The following OLFM3 variants were observed in gnomAD, a reference collection of about 807,000 sequenced individuals.
The protein encoded by OLFM3 is noelin-3.
OLFM3 carries 20 observed loss-of-function variants against 48.6 expected under a neutral mutation model. That is an observed-to-expected ratio of 0.41 (90% CI 0.29 to 0.60). The LOEUF is 0.60. Among genes scored for constraint, OLFM3 ranks in the 20% least tolerant of loss-of-function variants. The pLI is 0.28. For synonymous variants in OLFM3, 222 were observed against 198.1 expected, an observed-to-expected ratio of 1.12 and a Z score of -1.01; for missense variants, 437 against 544.3, an observed-to-expected ratio of 0.80 and a Z score of 1.96.
chr1:101,967,972 A>T (rs1660665782), intron 1 of OLFM3, among the ~76,000 whole-genome samples: 1 of 152,140 alleles, frequency 6.6e-6, no homozygotes, highest in African/African-American at 2.4e-5. Context: ...CAAACATACG[A>T]AGAAAACCCT....
intron 1 of OLFM3, among the ~76,000 whole-genome samples, chr1:101,935,695 T>C (rs1230695584): frequency 6.6e-6 from 1 of 152,082 alleles, no homozygotes. Flanking sequence ...CAGGGAAGTA[T>C]TTTTTATGAA....
chr1:101,806,004 T>C, intron 5 of OLFM3, 72 bp downstream of exon 5: 4 of 1,083,980 alleles, frequency 3.7e-6, no homozygotes, highest in Middle Eastern at 4.1e-4. Flanking sequence ...CTGAAGAAAA[T>C]GAATAGTCCA....
intron 4 of OLFM3, among the ~76,000 whole-genome samples, chr1:101,824,309 T>C (rs574562609): frequency 6.6e-6 from 1 of 152,306 alleles, no homozygotes; most frequent in South Asian, 2.1e-4. Flanking sequence ...TTATTTTAAA[T>C]TCAAGTTGCA....
intron 1 of OLFM3, among the ~76,000 whole-genome samples, chr1:101,982,245 A>G (rs1661124387): frequency 6.6e-6 from 1 of 152,176 alleles, no homozygotes; most frequent in African/African-American, 2.4e-5. Flanking sequence ...TGATTATCAT[A>G]GGGTCCAATC....
intron 1 of OLFM3, among the ~76,000 whole-genome samples, chr1:101,914,483 A>G (rs895863350): frequency 6.6e-6 from 1 of 152,178 alleles, no homozygotes; most frequent in Admixed American, 6.5e-5. Context: ...CTGAGTCCCA[A>G]ATTCAGAGCT....
intron 3 of OLFM3, among the ~76,000 whole-genome samples, chr1:101,830,296 C>G (rs951872304): frequency 2.0e-5 from 3 of 152,136 alleles, no homozygotes; most frequent in African/African-American, 7.2e-5. Context: ...AAACAACTCT[C>G]TCCACATGCT....
At chr1:101,930,396 A>C (rs12076043) in intron 1 of OLFM3, among the ~76,000 whole-genome samples, 7,848 of 152,284 alleles carry the variant, frequency 0.052, 654 homozygotes, top group African/African-American at 0.17. Flanking sequence ...TGCATGGTAG[A>C]GTGAGAAAAT....
intron 1 of OLFM3, among the ~76,000 whole-genome samples, chr1:101,871,316 C>T (rs924511076): frequency 6.6e-6 from 1 of 151,978 alleles, no homozygotes; most frequent in East Asian, 1.9e-4. Context: ...TAGATCCCAA[C>T]AGAGAAAACA....
chr1:101,943,319 G>A (rs1368815305), intron 1 of OLFM3, among the ~76,000 whole-genome samples: 2 of 152,192 alleles, frequency 1.3e-5, no homozygotes, highest in African/African-American at 2.4e-5. Flanking sequence ...ATGAGCTTCA[G>A]CATGCCCTTT....
At chr1:101,890,808 A>G (rs1485444286) in intron 1 of OLFM3, among the ~76,000 whole-genome samples, 5 of 152,160 alleles carry the variant, frequency 3.3e-5, no homozygotes, top group Admixed American at 6.5e-5. Flanking sequence ...AAATAATTAT[A>G]AAAATGAAAT....
intron 1 of OLFM3, among the ~76,000 whole-genome samples, chr1:101,843,907 T>A (rs1353096030): frequency 6.6e-6 from 1 of 152,172 alleles, no homozygotes; most frequent in African/African-American, 2.4e-5. Flanking sequence ...AACATTCAGA[T>A]TTCAAGACCT....
At position 101,906,115 on chromosome 1, in the gene OLFM3, C is replaced by G. The variant is rs1658542554; in HGVS notation, c.70-69090G>C. Among the ~76,000 whole-genome samples the G allele has an allele frequency of 1.3e-5, 2 of 151,962 alleles. 1 individual carries two copies. The highest frequency in any genetic ancestry group is 1.3e-4 in the Admixed American group (2 of 15,246). Reference sequence around the variant, plus strand: ...TTTTCTCCACAAACTGAAGATGTTTCCTTGACTAATAAATCAATTCCATAG... The same window carrying G: ...TTTTCTCCACAAACTGAAGATGTTTGCTTGACTAATAAATCAATTCCATAG... On this transcript the variant is annotated intron_variant, in intron 1 of 5. Transcript: ENST00000370103.
chr1:101,867,442 C>T (rs1187977464), intron 1 of OLFM3, among the ~76,000 whole-genome samples: 3 of 152,158 alleles, frequency 2.0e-5, no homozygotes, highest in African/African-American at 7.2e-5. Flanking sequence ...CCTTCCTTGT[C>T]AGCCACACAA....
intron 1 of OLFM3, among the ~76,000 whole-genome samples, chr1:101,974,888 T>C (rs4543821): frequency 0.25 from 37,668 of 152,132 alleles, 5,241 homozygotes; most frequent in Middle Eastern, 0.36. Context: ...ATTGGGAATG[T>C]GAAACATTTT....
Position 101,858,340 on chromosome 1 carries a change from T to C in OLFM3, c.70-21315A>G, listed in dbSNP as rs147829620. 6.9e-3 allele frequency among the ~76,000 whole-genome samples: 1,053 copies of C among 152,204 alleles called. 29 individuals carry two copies. The highest frequency in any genetic ancestry group is 0.024 in the African/African-American group (991 of 41,454). On this transcript the variant is annotated intron_variant, in intron 1 of 5. Coordinates refer to ENST00000370103, the MANE Select transcript of OLFM3 (RefSeq NM_058170.4). ...CATTTATGCATTCAGGAAGGATTTA[T>C]TGATCATCCTCTATATGCTAGACAC...
intron 1 of OLFM3, among the ~76,000 whole-genome samples, chr1:101,929,668 G>C (rs1659388120): frequency 6.6e-6 from 1 of 151,844 alleles, no homozygotes; most frequent in African/African-American, 2.4e-5. Flanking sequence ...TACATTTAGA[G>C]GTCATAATAG....
intron 1 of OLFM3, among the ~76,000 whole-genome samples, chr1:101,864,029 T>G (rs189288015): frequency 3.9e-5 from 6 of 152,288 alleles, no homozygotes; most frequent in Admixed American, 3.9e-4. Flanking sequence ...AGGGCGCCAG[T>G]GCCTCTTCTC....
chr1:101,847,124 CT>C (rs1024959449), intron 1 of OLFM3: 1 of 940,572 alleles, frequency 1.1e-6, no homozygotes, highest in African/African-American at 1.8e-5. Context: ...TCGGAACCTC[CT>C]TCCCCCATCC....
chr1:101,962,368 G>T (rs1660492208), intron 1 of OLFM3, among the ~76,000 whole-genome samples: 1 of 151,954 alleles, frequency 6.6e-6, no homozygotes, highest in Non-Finnish European at 1.5e-5. Context: ...TGGGCTTTTT[G>T]TTCCTTTTCC....
Sources: gnomAD v4.1 joint callset for allele counts (sites outside exome capture counted in the v4.1 genomes callset) on GRCh38, gnomAD v4.1.1 for gene constraint, MANE v1.5 for transcripts, NCBI Gene and HGNC (gene_info 2026-07-23, HGNC 2026-07-21) for gene names.